SETD3: variants seen among roughly 807,000 people sequenced by gnomAD.
SETD3 encodes actin-histidine N-methyltransferase.
In SETD3, 19 loss-of-function variants were observed where a neutral mutation model predicts 63.0. That is an observed-to-expected ratio of 0.30 (90% CI 0.21 to 0.44). SETD3 has a LOEUF of 0.44. SETD3 is among the 20% of genes least tolerant of loss of function. The probability of loss-of-function intolerance (pLI) is 1.00; values close to 1 mark genes in which losing one functional copy is unlikely to be tolerated. For missense variants in SETD3, 587 were observed against 728.5 expected (o/e 0.81, Z 2.24); for synonymous variants, 286 against 264.1 (o/e 1.08, Z -0.80).
intron 1 of SETD3, among the ~76,000 whole-genome samples, chr14:99,476,974 G>C (rs1388862858): frequency 6.6e-6 from 1 of 152,022 alleles, no homozygotes; most frequent in Non-Finnish European, 1.5e-5. Flanking sequence ...AAAAACAGTG[G>C]AAACATTTCT....
intron 2 of SETD3, among the ~76,000 whole-genome samples, chr14:99,464,860 C>G (rs771806694): frequency 2.6e-5 from 4 of 152,218 alleles, no homozygotes; most frequent in African/African-American, 9.6e-5. Flanking sequence ...ATCAGATACA[C>G]AGCCAGGTGC....
rs1891695364 is a variant in SETD3 at position 99,406,594 on chromosome 14, G to T, written c.850-4C>A. 1 of 1,613,950 alleles carries T rather than the reference G, an allele frequency of 6.2e-7. No homozygotes were observed. The highest frequency in any genetic ancestry group is 2.2e-5 in the East Asian group (1 of 44,886). On this transcript the variant is annotated splice_polypyrimidine_tract_variant and splice_region_variant and intron_variant, in intron 8 of 12. Transcript: ENST00000331768. Reference sequence around the variant, plus strand: ...CCAGGTTGTAACCAGTAGTGATCTAGCCCGGGGAGGAGGAAGGAAATGATG... The same window carrying T: ...CCAGGTTGTAACCAGTAGTGATCTATCCCGGGGAGGAGGAAGGAAATGATG...
At chr14:99,481,215 A>ATGGGCCCTGTGGCT (rs1253771984), upstream of SETD3, 11 of 388,606 alleles carry the variant, frequency 2.8e-5, no homozygotes, top group East Asian at 1.8e-4. Flanking sequence ...GACCGACGGG[A>ATGGGCCCTGTGGCT]TGGGCCCTGT....
chr14:99,433,577 A>G (rs544604333), intron 6 of SETD3, among the ~76,000 whole-genome samples: 17 of 152,092 alleles, frequency 1.1e-4, no homozygotes, highest in Non-Finnish European at 2.5e-4. Context: ...AGCTGAGACT[A>G]CAGGCATGTG....
At chr14:99,446,397 T>C (rs190896994) in intron 6 of SETD3, among the ~76,000 whole-genome samples, 42 of 152,322 alleles carry the variant, frequency 2.8e-4, no homozygotes, top group Admixed American at 5.2e-4. Flanking sequence ...TAGGAAGGTA[T>C]AGTTTCAGAC....
intron 5 of SETD3, among the ~76,000 whole-genome samples, chr14:99,458,890 G>GCCTAGGTGACAAAGCGAGAC (rs570106062): frequency 0.013 from 1,929 of 151,780 alleles, 26 homozygotes; most frequent in Middle Eastern, 0.021. Flanking sequence ...GTGTACTCCA[G>GCCTAGGTGACAAAGCGAGAC]CCTAGGTGAC....
At chr14:99,426,545 G>C (rs1892893907) in intron 6 of SETD3, among the ~76,000 whole-genome samples, 1 of 152,184 alleles carries the variant, frequency 6.6e-6, no homozygotes. Flanking sequence ...ACCCAGCAGA[G>C]AGAGTCCTTA....
chr14:99,463,633 T>C (rs552586188), intron 2 of SETD3, 55 bp from the exon 3 acceptor site: 93 of 1,376,544 alleles, frequency 6.8e-5, no homozygotes, highest in Non-Finnish European at 8.8e-5. Flanking sequence ...CTTAACCTAC[T>C]AGTCTGCACA....
chr14:99,399,976 G>C, intron 12 of SETD3, 123 bp downstream of exon 12: 1 of 786,600 alleles, frequency 1.3e-6, no homozygotes, highest in African/African-American at 1.8e-5. Flanking sequence ...TTCTGACCTC[G>C]TGATCCGCCC....
chr14:99,414,284 AGCCAGGTCCATCCTG>A (rs1228239855), intron 6 of SETD3, among the ~76,000 whole-genome samples: 1 of 152,274 alleles, frequency 6.6e-6, no homozygotes, highest in Non-Finnish European at 1.5e-5. Context: ...GAGCCGCCCA[AGCCAGGTCCATCCTG>A]GCCCCGCTCT....
intron 1 of SETD3, among the ~76,000 whole-genome samples, chr14:99,468,153 A>AT (rs1422951158): frequency 1.5e-4 from 18 of 117,832 alleles, no homozygotes; most frequent in South Asian, 1.1e-3. Flanking sequence ...TTAAATACAG[A>AT]TTTAAAAAAA....
intron 6 of SETD3, among the ~76,000 whole-genome samples, chr14:99,448,776 C>A (rs369718860): frequency 2.0e-5 from 3 of 152,174 alleles, no homozygotes; most frequent in African/African-American, 7.2e-5. Flanking sequence ...ATATGGAACA[C>A]GTTTGCTTCT....
intron 6 of SETD3, among the ~76,000 whole-genome samples, chr14:99,436,939 A>G (rs1487629477): frequency 6.6e-6 from 1 of 152,200 alleles, no homozygotes; most frequent in Non-Finnish European, 1.5e-5. Flanking sequence ...GTAGGTGAGC[A>G]GAAGGTCTCA....
At chr14:99,423,764 A>C (rs1004237788) in intron 6 of SETD3, among the ~76,000 whole-genome samples, 2 of 152,098 alleles carry the variant, frequency 1.3e-5, no homozygotes, top group Non-Finnish European at 2.9e-5. Context: ...AAGAACAAAG[A>C]AGCAAGGCCA....
chr14:99,427,604 T>A (rs1892951383), intron 6 of SETD3, among the ~76,000 whole-genome samples: 2 of 152,204 alleles, frequency 1.3e-5, no homozygotes, highest in South Asian at 4.1e-4. Context: ...GATGTACTAA[T>A]GCACATTTCT....
upstream of SETD3, chr14:99,481,712 A>G (rs3918036): frequency 2.3e-4 from 89 of 381,828 alleles, 1 homozygote; most frequent in East Asian, 2.9e-3. Flanking sequence ...GACTCACCCT[A>G]GAACTGGTAG....
intron 6 of SETD3, among the ~76,000 whole-genome samples, chr14:99,418,267 A>G (rs1595168597): frequency 1.3e-5 from 2 of 152,194 alleles, no homozygotes; most frequent in Non-Finnish European, 2.9e-5. Context: ...TAAAAAAACC[A>G]TAATGCCATG....
At chr14:99,408,945 C>T (rs919753261) in intron 8 of SETD3, among the ~76,000 whole-genome samples, 7 of 152,176 alleles carry the variant, frequency 4.6e-5, no homozygotes, top group African/African-American at 1.7e-4. Flanking sequence ...GCTGTAAGGA[C>T]CCCACTGCTC....
chr14:99,464,072 A>G (rs1270590725), intron 2 of SETD3, among the ~76,000 whole-genome samples: 1 of 152,234 alleles, frequency 6.6e-6, no homozygotes, highest in Admixed American at 6.5e-5. Flanking sequence ...ATTAGTCGAC[A>G]AACATTTCAC....
Sources: allele counts gnomAD v4.1 joint callset (sites outside exome capture counted in the v4.1 genomes callset), GRCh38; gene constraint gnomAD v4.1.1; transcripts MANE v1.5; gene names NCBI Gene and HGNC (gene_info 2026-07-23, HGNC 2026-07-21).